LCK: variants seen among roughly 807,000 people sequenced by gnomAD.
LCK encodes the protein tyrosine-protein kinase Lck.
LCK carries 14 observed loss-of-function variants against 64.6 expected under a neutral mutation model. That is an observed-to-expected ratio of 0.22 (90% CI 0.14 to 0.34). The LOEUF is 0.34. Ranked by LOEUF, LCK falls within the 10% of genes least tolerant of loss-of-function variation. The probability of loss-of-function intolerance (pLI) is 1.00; values close to 1 mark genes in which losing one functional copy is unlikely to be tolerated. For missense variants in LCK, 434 were observed against 668.1 expected, an observed-to-expected ratio of 0.65 and a Z score of 3.86; for synonymous variants, 277 against 263.6, an observed-to-expected ratio of 1.05 and a Z score of -0.49.
intron 9 of LCK, among the ~76,000 whole-genome samples, chr1:32,279,168 A>T (rs1465490739): frequency 1.3e-5 from 2 of 152,174 alleles, no homozygotes; most frequent in Admixed American, 1.3e-4. Flanking sequence ...GGGAGTGTAG[A>T]TGATGATCCA....
At chr1:32,279,631 T>C (rs1370744693) in intron 9 of LCK, 40 bp from the exon 10 acceptor site, 1 of 1,613,854 alleles carries the variant, frequency 6.2e-7, no homozygotes, top group Non-Finnish European at 8.5e-7. Flanking sequence ...GGCCTCCCCC[T>C]GGGGCAACTT....
chr1:32,254,444 C>T (rs1639580442), intron 1 of LCK, among the ~76,000 whole-genome samples: 1 of 152,174 alleles, frequency 6.6e-6, no homozygotes, highest in Non-Finnish European at 1.5e-5. Flanking sequence ...CCTTAGCCTC[C>T]CCAGTAACTG....
chr1:32,272,573 A>AAGAGACAGAGAGAAAGAG (rs1640105814), intron 1 of LCK, among the ~76,000 whole-genome samples: 2 of 71,864 alleles, frequency 2.8e-5, no homozygotes, highest in African/African-American at 1.2e-4. Context: ...ACCCTGTCTC[A>AAGAGACAGAGAGAAAGAG]AGAGAGAGAG....
intron 1 of LCK, among the ~76,000 whole-genome samples, chr1:32,272,020 G>A (rs1446729004): frequency 1.3e-5 from 2 of 151,994 alleles, no homozygotes; most frequent in Non-Finnish European, 2.9e-5. Flanking sequence ...TTTAGGCCAG[G>A]TGCCTGTAAT....
At chr1:32,256,991 A>C (rs1178056040) in intron 1 of LCK, among the ~76,000 whole-genome samples, 1 of 152,210 alleles carries the variant, frequency 6.6e-6, no homozygotes, top group Non-Finnish European at 1.5e-5. Context: ...AAGTGCCAAA[A>C]ATCATGAAGG....
intron 1 of LCK, among the ~76,000 whole-genome samples, chr1:32,272,625 G>GAGAGAGAGAGAGAGAA (rs1557581400): frequency 1.6e-3 from 226 of 139,502 alleles, no homozygotes; most frequent in East Asian, 2.8e-3. Flanking sequence ...GAGAGAGAAA[G>GAGAGAGAGAGAGAGAA]AGAGAGAGAG....
chr1:32,263,127 C>A (rs1356045282), intron 1 of LCK, among the ~76,000 whole-genome samples: 1 of 152,174 alleles, frequency 6.6e-6, no homozygotes, highest in Admixed American at 6.6e-5. Flanking sequence ...TCTGGTGACT[C>A]ATGCCTGTCA....
chr1:32,272,694 A>G, intron 1 of LCK, among the ~76,000 whole-genome samples: 1 of 151,670 alleles, frequency 6.6e-6, no homozygotes, highest in East Asian at 1.9e-4. Flanking sequence ...CACAAGTACA[A>G]AGGCATTAAG....
chr1:32,279,360 TG>T (rs1557587944), intron 9 of LCK, among the ~76,000 whole-genome samples: 1 of 151,684 alleles, frequency 6.6e-6, no homozygotes, highest in Non-Finnish European at 1.5e-5. Context: ...AAAGGCAGAG[TG>T]GGGGAAAGAG....
chr1:32,276,311 C>A lies in LCK; in HGVS notation c.632-26C>A, dbSNP rs1283178552. 4.6e-6 allele frequency: 7 copies of A among 1,537,006 alleles called. No individual in the cohort carries two copies. In the South Asian group the frequency reaches 5.1e-5, roughly 11 times the overall value. ...AATACGAGGCCTGCCCTATTGACAG[C>A]CTTCACCCCTCCCTCGTCCTCGCAG... On this transcript the variant is annotated intron_variant, in intron 7 of 12. Transcript: ENST00000336890. This position sits in a 1 kb window ranked among gnomAD's most constrained non-coding sequence, Gnocchi z 4.6.
At chr1:32,255,638 C>A (rs907229633) in intron 1 of LCK, among the ~76,000 whole-genome samples, 20 of 152,086 alleles carry the variant, frequency 1.3e-4, no homozygotes, top group African/African-American at 4.6e-4. Flanking sequence ...GAGCTAACTA[C>A]AAGCCTTATA....
intron 1 of LCK, among the ~76,000 whole-genome samples, chr1:32,259,711 G>T (rs1639721420): frequency 6.6e-6 from 1 of 152,010 alleles, no homozygotes; most frequent in Non-Finnish European, 1.5e-5. Flanking sequence ...TCAGGAGGCT[G>T]AGGTGGGAGG....
In LCK at chr1:32,279,846, A is replaced by C; in HGVS notation, c.1047A>C (p.Ala349=). Residue 349 remains alanine (A), a synonymous_variant, in exon 11 of 13, where the codon GCA becomes GCC. Coordinates refer to ENST00000336890, the MANE Select transcript of LCK (RefSeq NM_005356.5). ...GATCTGTGTTTGGCCTGCAGATTGCAGAAGGCATGGCATTCATTGAAGAGC... is the reference window on the plus strand; with the variant it reads ...GATCTGTGTTTGGCCTGCAGATTGCCGAAGGCATGGCATTCATTGAAGAGC... The part of the protein sequence containing the change: ...NKLLDMAAQI[A]EGMAFIEERN... 6.2e-7 allele frequency: 1 copy of C among 1,614,230 alleles called. No homozygotes were observed. Among genetic ancestry groups the C allele is most frequent in the Non-Finnish European group, 8.5e-7 (1 of 1,180,038 alleles).
Position 32,285,678 on chromosome 1 carries a change from T to C in LCK, c.1492T>C (p.Phe498Leu). 6.2e-7 allele frequency: 1 copy of C among 1,612,218 alleles called. No homozygotes were observed. The change falls in exon 13 of 13, where the codon TTC becomes CTC. Residue 498 changes from phenylalanine to leucine, a missense_variant. By Grantham distance (22) the Phe-to-Leu change is conservative (BLOSUM62 0). This residue lies in a region of LCK where 201 missense variants were observed against 376.9 expected (regional missense o/e 0.53). Transcript: ENST00000336890. ...CCTGCGCAGTGTGCTGGAGGACTTC[T>C]TCACGGCCACAGAGGGCCAGTACCA... is the stretch of plus-strand genomic sequence containing the variant. The part of the protein sequence containing the change: ...DYLRSVLEDF[F>L]TATEGQYQPQ...
At chr1:32,255,001 A>T (rs1158276302) in intron 1 of LCK, among the ~76,000 whole-genome samples, 2 of 152,180 alleles carry the variant, frequency 1.3e-5, no homozygotes, top group Non-Finnish European at 2.9e-5. Context: ...TATTTAAAAA[A>T]AAAATAAAAT....
rs537077999 is a variant in LCK at position 32,275,168 on chromosome 1, C to T, written c.278+85C>T. The stretch of plus-strand genomic sequence containing the variant: ...CCGCAGCCCTCCTGCGGCCCTTGAC[C>T]AGCTCGGGGTGGCCGCCCTTGGGAC... On this transcript the variant is annotated intron_variant, in intron 4 of 12. Coordinates refer to ENST00000336890, the MANE Select transcript of LCK (RefSeq NM_005356.5). This position sits in a 1 kb window ranked among gnomAD's most constrained non-coding sequence, Gnocchi z 6.9. The T allele has an allele frequency of 1.8e-5, 26 of 1,484,726 alleles. No individual in the cohort carries two copies. The highest frequency in any genetic ancestry group is 5.2e-5 in the Admixed American group (3 of 57,200). 92.0% of individuals were successfully genotyped at this position (1,484,726 alleles called of 1,614,324 possible).
intron 1 of LCK, 181 bp from the exon 2 acceptor site, chr1:32,274,144 G>A: frequency 1.5e-6 from 2 of 1,326,002 alleles, no homozygotes; most frequent in South Asian, 1.5e-5. Context: ...GGGCTCAGAG[G>A]GAGCACCGGT....
Position 32,276,360 on chromosome 1 carries a change from C to A in LCK, c.655C>A (p.Arg219=), listed in dbSNP as rs559884474. The stretch of plus-strand genomic sequence containing the variant: ...AGATGCTTCAGATGGGCTGTGCACA[C>A]GGTTGAGCCGCCCCTGCCAGACCCA... ...YTNASDGLCT[R]LSRPCQTQKP... The change falls in exon 8 of 13, where the codon CGG becomes AGG. Residue 219 remains arginine, a synonymous_variant. Transcript: ENST00000336890. This position sits in a 1 kb window ranked among gnomAD's most constrained non-coding sequence, Gnocchi z 4.6. 3.7e-6 allele frequency: 6 copies of A among 1,607,808 alleles called. No individual in the cohort carries two copies. Among genetic ancestry groups the A allele is most frequent in the African/African-American group, 1.3e-5 (1 of 74,958 alleles).
In LCK at chr1:32,275,759, CG is replaced by C; in HGVS notation, c.481+91del. On this transcript the variant is annotated intron_variant, in intron 6 of 12. Coordinates refer to ENST00000336890, the MANE Select transcript of LCK (RefSeq NM_005356.5). This position sits in a 1 kb window ranked among gnomAD's most constrained non-coding sequence, Gnocchi z 6.9. The stretch of plus-strand genomic sequence containing the variant: ...GCAGGGTGAGCCCGAGGTGGAGACA[CG>C]GGGTGAGTCGGAGGGGGACGCGGGA... 7.5e-7 allele frequency: 1 copy of C among 1,330,382 alleles called. No individual in the cohort carries two copies. The allele number at this position is 1,330,382 out of a possible 1,614,324, so 82.4% of individuals were successfully genotyped here.
Sources: gnomAD v4.1 joint callset for allele counts (sites outside exome capture counted in the v4.1 genomes callset) on GRCh38, gnomAD v4.1.1 for gene constraint, gnomAD v4.1.1 regional missense constraint, Gnocchi (gnomAD v3.1) non-coding constraint, MANE v1.5 for transcripts, NCBI Gene and HGNC (gene_info 2026-07-23, HGNC 2026-07-21) for gene names.